The following SORBS2 variants were observed in gnomAD, a reference collection of about 807,000 sequenced individuals.
SORBS2 encodes the protein sorbin and SH3 domain-containing protein 2.
A neutral mutation model predicts 97.7 loss-of-function variants in SORBS2; 46 were observed. That is an observed-to-expected ratio of 0.47 (90% CI 0.37 to 0.60). SORBS2 has a LOEUF of 0.60. SORBS2 is among the 20% of genes least tolerant of loss of function. SORBS2 has a pLI of 0.00. For missense variants in SORBS2, 1,316 were observed against 1,282.3 expected, an observed-to-expected ratio of 1.03 and a Z score of -0.40; for synonymous variants, 476 against 473.4, an observed-to-expected ratio of 1.01 and a Z score of -0.07.
At chr4:185,777,727 A>G (rs1049399141) in intron 1 of SORBS2, among the ~76,000 whole-genome samples, 2 of 152,188 alleles carry the variant, frequency 1.3e-5, no homozygotes, top group Non-Finnish European at 2.9e-5. Flanking sequence ...CAATGCGGCT[A>G]GTCAGAACTG....
At chr4:185,677,598 G>A in intron 4 of SORBS2, 3 of 1,532,932 alleles carry the variant, frequency 2.0e-6, no homozygotes, top group Non-Finnish European at 2.6e-6. Flanking sequence ...GGTTATCAAA[G>A]AGCTATGAAA....
At position 185,788,366 on chromosome 4, in the gene SORBS2, A is replaced by G. The variant is rs144527449; in HGVS notation, c.-337-13000T>C. On this transcript the variant is annotated intron_variant, in intron 1 of 20. Coordinates refer to the SORBS2 transcript ENST00000284776. ...GAAATTAATAGGCTATATCCTAAAA[A>G]GAAAAACAAATAAAATTTGGTGCTT... Among the ~76,000 whole-genome samples the G allele has an allele frequency of 3.2e-3, 480 of 152,360 alleles. 1 individual carries two copies. The highest frequency in any genetic ancestry group is 0.011 in the African/African-American group (456 of 41,582).
intron 4 of SORBS2, among the ~76,000 whole-genome samples, chr4:185,674,550 A>G (rs1400712434): frequency 6.6e-6 from 1 of 152,186 alleles, no homozygotes; most frequent in Non-Finnish European, 1.5e-5. Context: ...TAAGGGAAAT[A>G]ATAATGGTGG....
At position 185,884,670 on chromosome 4, in the gene SORBS2, T is replaced by C. The variant is rs374352454; in HGVS notation, c.-338+71526A>G. 3.2e-4 allele frequency among the ~76,000 whole-genome samples: 49 copies of C among 152,324 alleles called. 1 individual carries two copies. Among genetic ancestry groups the C allele is most frequent in the African/African-American group, 1.0e-3 (43 of 41,570 alleles). ...GACCACTGACCTATCATCTAGACTA[T>C]GGTTTCCTCAGTAAAGGACCACTTT... On this transcript the variant is annotated intron_variant, in intron 1 of 20. Transcript: ENST00000284776.
At chr4:185,896,006 G>A (rs1032168823) in intron 1 of SORBS2, among the ~76,000 whole-genome samples, 1 of 152,146 alleles carries the variant, frequency 6.6e-6, no homozygotes, top group African/African-American at 2.4e-5. Context: ...AAATCTCATT[G>A]AGTAGAAATC....
intron 1 of SORBS2, among the ~76,000 whole-genome samples, chr4:185,819,842 A>G (rs1018700449): frequency 2.0e-5 from 3 of 152,208 alleles, no homozygotes; most frequent in African/African-American, 7.2e-5. Flanking sequence ...AATATCTCAA[A>G]GTATACTTGT....
intron 1 of SORBS2, among the ~76,000 whole-genome samples, chr4:185,653,835 G>A (rs2097352587): frequency 6.6e-6 from 1 of 152,122 alleles, no homozygotes; most frequent in African/African-American, 2.4e-5. Context: ...GAGCTACCTG[G>A]GCAACAGGCT....
chr4:185,866,075 A>G (rs1319627120), intron 1 of SORBS2, among the ~76,000 whole-genome samples: 1 of 152,230 alleles, frequency 6.6e-6, no homozygotes, highest in Non-Finnish European at 1.5e-5. Context: ...TAAAAAATGC[A>G]GCCATATTTA....
chr4:185,778,893 TCTG>T (rs1397598046), intron 1 of SORBS2, among the ~76,000 whole-genome samples: 1 of 152,194 alleles, frequency 6.6e-6, no homozygotes, highest in Non-Finnish European at 1.5e-5. Flanking sequence ...AGAGAGGCCT[TCTG>T]TTATTCGCTC....
At chr4:185,691,902 G>T (rs1231011052) in intron 2 of SORBS2, among the ~76,000 whole-genome samples, 1 of 152,100 alleles carries the variant, frequency 6.6e-6, no homozygotes, top group Non-Finnish European at 1.5e-5. Context: ...CCGCCACCAC[G>T]CTCGGATAAT....
chr4:185,702,867 T>G (rs1183077703), intron 2 of SORBS2, among the ~76,000 whole-genome samples: 1 of 152,140 alleles, frequency 6.6e-6, no homozygotes, highest in Non-Finnish European at 1.5e-5. Context: ...CAACAAACAT[T>G]TGTTGACCTT....
chr4:185,587,537 C>A (rs527761093), exon 15 of SORBS2: 1 of 1,106,502 alleles, frequency 9.0e-7, no homozygotes, highest in Non-Finnish European at 1.4e-6. Flanking sequence ...AACCGTAAGG[C>A]ATGACAACGG....
chr4:185,727,077 T>C (rs1248514715), intron 2 of SORBS2, among the ~76,000 whole-genome samples: 4 of 152,194 alleles, frequency 2.6e-5, no homozygotes, highest in Non-Finnish European at 5.9e-5. Context: ...TCAGAAGCCC[T>C]GGACAGACGC....
chr4:185,633,521 G>A (rs1473695489), intron 4 of SORBS2, among the ~76,000 whole-genome samples: 2 of 150,592 alleles, frequency 1.3e-5, no homozygotes, highest in Non-Finnish European at 3.0e-5. Context: ...ATAGAGTTAA[G>A]TTTCTACTAT....
intron 1 of SORBS2, among the ~76,000 whole-genome samples, chr4:185,817,669 G>A (rs774551430): frequency 5.9e-5 from 9 of 152,188 alleles, no homozygotes; most frequent in Non-Finnish European, 1.2e-4. Flanking sequence ...AAACGCACCA[G>A]GCTCAGCAAA....
chr4:185,938,177 T>C (rs9991822), intron 1 of SORBS2, among the ~76,000 whole-genome samples: 39,984 of 151,472 alleles, frequency 0.26, 5,596 homozygotes, highest in Non-Finnish European at 0.3. Context: ...TTTGTATTTT[T>C]TGTAGCGATG....
At chr4:185,710,632 G>T (rs1055400897) in intron 2 of SORBS2, among the ~76,000 whole-genome samples, 1 of 152,196 alleles carries the variant, frequency 6.6e-6, no homozygotes, top group Non-Finnish European at 1.5e-5. Flanking sequence ...AAGGGGTTTT[G>T]GTTTTTGCCT....
chr4:185,812,761 AT>A (rs775953913), intron 1 of SORBS2, among the ~76,000 whole-genome samples: 1 of 152,234 alleles, frequency 6.6e-6, no homozygotes, highest in Non-Finnish European at 1.5e-5. Context: ...TTAAATATCC[AT>A]TTACTTATGG....
chr4:185,928,256 T>C (rs754318295), intron 1 of SORBS2, among the ~76,000 whole-genome samples: 4 of 151,806 alleles, frequency 2.6e-5, no homozygotes, highest in Non-Finnish European at 4.4e-5. Flanking sequence ...AAATAAAAAT[T>C]ATTTGGGAGT....
Sources: gnomAD v4.1 joint callset for allele counts (sites outside exome capture counted in the v4.1 genomes callset) on GRCh38, gnomAD v4.1.1 for gene constraint, MANE v1.5 for transcripts, NCBI Gene and HGNC (gene_info 2026-07-23, HGNC 2026-07-21) for gene names.